Variants in PLPP3 observed in about 807,000 individuals in gnomAD.
The protein encoded by PLPP3 is PAP2 beta.
Under a neutral mutation model 29.6 loss-of-function variants are expected in PLPP3, and 6 were observed. That is an observed-to-expected ratio of 0.20 (90% confidence interval 0.11 to 0.40). The LOEUF is 0.40. PLPP3 is among the 10% of genes least tolerant of loss of function. The pLI, the probability that PLPP3 is intolerant of heterozygous loss-of-function variation, is 1.00. For missense variants in PLPP3, 308 were observed against 407.7 expected (o/e 0.76, Z 2.11); for synonymous variants, 152 against 159.7 (o/e 0.95, Z 0.36).
Position 56,574,428 on chromosome 1 carries a change from A to T in PLPP3, c.139+4450T>A, listed in dbSNP as rs1646221718. On this transcript the variant is annotated intron_variant, in intron 1 of 5. Coordinates refer to ENST00000371250, the MANE Select transcript of PLPP3 (RefSeq NM_003713.5). ...CACCACCACGCCCGGTTAATTTTTG[A>T]TTTTTTTGTAGAGACAAGGTCTCAC... Among the ~76,000 whole-genome samples the T allele has an allele frequency of 4.0e-5, 6 of 151,740 alleles. No individual in the cohort carries two copies. The South Asian group carries it at 1.3e-3, about 32-fold the overall frequency.
intron 1 of PLPP3, among the ~76,000 whole-genome samples, chr1:56,558,064 A>G (rs1168213933): frequency 1.3e-5 from 2 of 152,188 alleles, no homozygotes; most frequent in African/African-American, 4.8e-5. Flanking sequence ...AGAAACCTCA[A>G]TGTGAGGGCA....
At chr1:56,498,784 C>A (rs534291331) in intron 5 of PLPP3, among the ~76,000 whole-genome samples, 8 of 152,180 alleles carry the variant, frequency 5.3e-5, no homozygotes, top group African/African-American at 1.9e-4. Flanking sequence ...CAGGCACGTG[C>A]CACTATGCCT....
At position 56,557,032 on chromosome 1, in the gene PLPP3, G is replaced by GAA. The variant is rs1461612290; in HGVS notation, c.140-19921_140-19920insTT. Reference sequence around the variant, plus strand: ...AAAGAGAGAGAGAGAGAGAAAGAGAGAGAGAGAGAGAGAGAGAGAGAGAGA... The same window carrying GAA: ...AAAGAGAGAGAGAGAGAGAAAGAGAGAAAGAGAGAGAGAGAGAGAGAGAGAGA... On this transcript the variant is annotated intron_variant, in intron 1 of 5. Coordinates refer to ENST00000371250, the MANE Select transcript of PLPP3 (RefSeq NM_003713.5). 2.8e-3 allele frequency among the ~76,000 whole-genome samples: 31 copies of GAA among 11,098 alleles called. 7 individuals carry two copies. Among genetic ancestry groups the GAA allele is most frequent in the Non-Finnish European group, 4.1e-3 (14 of 3,374 alleles). 7.3% of individuals were successfully genotyped at this position (11,098 alleles called of 152,430 possible). A position where few individuals can be genotyped will look rare whatever the true frequency, so the allele number is the denominator to read the frequency against.
chr1:56,495,105 T>C lies in PLPP3; in HGVS notation c.*1446A>G, dbSNP rs1029074344. On this transcript the variant is annotated 3_prime_UTR_variant, in exon 6 of 6. Coordinates refer to ENST00000371250, the MANE Select transcript of PLPP3 (RefSeq NM_003713.5). ...ATTGTTTCAGAAATAATATCTTACATAGTTAACTTTTAATGTTTTATACAT... is the reference window on the plus strand; with the variant it reads ...ATTGTTTCAGAAATAATATCTTACACAGTTAACTTTTAATGTTTTATACAT... 6.6e-6 allele frequency: 1 copy of C among 152,380 alleles called. No individual in the cohort carries two copies. Among genetic ancestry groups the C allele is most frequent in the African/African-American group, 2.4e-5 (1 of 41,430 alleles). 9.4% of individuals were successfully genotyped at this position (152,380 alleles called of 1,614,324 possible).
At chr1:56,512,539 G>T (rs998589156) in intron 4 of PLPP3, 1 of 160,664 alleles carries the variant, frequency 6.2e-6, no homozygotes, top group African/African-American at 2.4e-5. Context: ...TTGAACCCAG[G>T]AGGCGGAGGT....
rs182995606 is a variant in PLPP3, at chr1:56,561,861, C to T, written c.139+17017G>A. ...ACCAGCCTGGGCAACATGGTGAAACCCTGCCCTTACTAAAAATAAAAAAAT... is the reference window on the plus strand; with the variant it reads ...ACCAGCCTGGGCAACATGGTGAAACTCTGCCCTTACTAAAAATAAAAAAAT... On this transcript the variant is annotated intron_variant, in intron 1 of 5. Coordinates refer to ENST00000371250, the MANE Select transcript of PLPP3 (RefSeq NM_003713.5). Among the ~76,000 whole-genome samples the T allele has an allele frequency of 3.4e-4, 51 of 151,644 alleles. No individual in the cohort carries two copies. The East Asian group carries it at 9.2e-3, about 27-fold the overall frequency.
intron 4 of PLPP3, among the ~76,000 whole-genome samples, chr1:56,515,567 A>G (rs1645775811): frequency 6.6e-6 from 1 of 152,204 alleles, no homozygotes; most frequent in African/African-American, 2.4e-5. Context: ...TCCAGAAAGG[A>G]AGGGAGTGCT....
intron 1 of PLPP3, among the ~76,000 whole-genome samples, chr1:56,550,826 G>C (rs1485306067): frequency 1.3e-5 from 2 of 152,084 alleles, no homozygotes; most frequent in Non-Finnish European, 2.9e-5. Flanking sequence ...ATGTTTGCCT[G>C]AGAAATGGAA....
chr1:56,555,433 T>TA (rs66593221), intron 1 of PLPP3, among the ~76,000 whole-genome samples: 2,694 of 32,934 alleles, frequency 0.082, 204 homozygotes, highest in Non-Finnish European at 0.097. Context: ...GGCCAAACAC[T>TA]AAAAAAAAAA....
At chr1:56,566,612 T>C (rs1039272151) in intron 1 of PLPP3, among the ~76,000 whole-genome samples, 10 of 152,148 alleles carry the variant, frequency 6.6e-5, no homozygotes, top group Non-Finnish European at 4.4e-5. Context: ...GGCAAATCAT[T>C]TACCCTCTCT....
chr1:56,497,737 T>A (rs1224776694), intron 5 of PLPP3, among the ~76,000 whole-genome samples: 1 of 152,194 alleles, frequency 6.6e-6, no homozygotes, highest in Non-Finnish European at 1.5e-5. Context: ...AAAATGAAGT[T>A]CTTAATAAGA....
chr1:56,572,445 C>A (rs1209497826), intron 1 of PLPP3, among the ~76,000 whole-genome samples: 1 of 152,148 alleles, frequency 6.6e-6, no homozygotes, highest in African/African-American at 2.4e-5. Flanking sequence ...TGTCTAAATT[C>A]TCTCCCACCC....
chr1:56,570,289 T>G (rs1275897649), intron 1 of PLPP3, among the ~76,000 whole-genome samples: 1 of 152,210 alleles, frequency 6.6e-6, no homozygotes, highest in Non-Finnish European at 1.5e-5. Flanking sequence ...ATTATGTGTT[T>G]TAGGGATACA....
At chr1:56,518,677 A>G (rs1480061630) in intron 4 of PLPP3, among the ~76,000 whole-genome samples, 1 of 149,186 alleles carries the variant, frequency 6.7e-6, no homozygotes, top group Admixed American at 6.7e-5. Flanking sequence ...AGACCAAAAA[A>G]TCTCTCCCCC....
chr1:56,540,626 TGTTTA>T (rs1163153474), intron 1 of PLPP3, among the ~76,000 whole-genome samples: 1 of 152,178 alleles, frequency 6.6e-6, no homozygotes, highest in African/African-American at 2.4e-5. Flanking sequence ...GAATATGTTC[TGTTTA>T]TTTTCTTGAA....
chr1:56,571,858 T>A (rs1186579227), intron 1 of PLPP3, among the ~76,000 whole-genome samples: 1 of 152,092 alleles, frequency 6.6e-6, no homozygotes, highest in Admixed American at 6.6e-5. Context: ...TCTAGCTGGG[T>A]GCCCTTGTGC....
At chr1:56,516,580 C>G (rs565704923) in intron 4 of PLPP3, among the ~76,000 whole-genome samples, 1 of 152,128 alleles carries the variant, frequency 6.6e-6, no homozygotes, top group Non-Finnish European at 1.5e-5. Context: ...TCTGGCTTAT[C>G]TGCATTCACT....
intron 2 of PLPP3, among the ~76,000 whole-genome samples, chr1:56,526,018 G>C (rs1645850504): frequency 1.3e-5 from 2 of 152,124 alleles, no homozygotes; most frequent in Admixed American, 6.5e-5. Flanking sequence ...TTGACACAGT[G>C]ACTCTGTGTT....
Position 56,579,037 on chromosome 1 carries a change from C to T in PLPP3, c.-21G>A, listed in dbSNP as rs2100320062. 1 of 1,578,166 alleles carries T rather than the reference C, an allele frequency of 6.3e-7. No homozygotes were observed. Among genetic ancestry groups the T allele is most frequent in the Non-Finnish European group, 8.6e-7 (1 of 1,166,608 alleles). On this transcript the variant is annotated 5_prime_UTR_variant, in exon 1 of 6. Coordinates refer to ENST00000371250, the MANE Select transcript of PLPP3 (RefSeq NM_003713.5). ...TGCATGGCGCTGGCTGCGGCGCGAG[C>T]CTCCCGCCCCGCGAAGACGTCCCGC... is the stretch of plus-strand genomic sequence containing the variant.
Sources: gnomAD v4.1 joint callset for allele counts (sites outside exome capture counted in the v4.1 genomes callset) on GRCh38, gnomAD v4.1.1 for gene constraint, MANE v1.5 for transcripts, NCBI Gene and HGNC (gene_info 2026-07-23, HGNC 2026-07-21) for gene names.